ALG5: variants seen among roughly 807,000 people sequenced by gnomAD.
The protein encoded by ALG5 is dolichyl-phosphate beta-glucosyltransferase.
ALG5 carries 26 observed loss-of-function variants against 51.8 expected under a neutral mutation model. The observed-to-expected ratio is 0.50, with a 90% CI of 0.37 to 0.70. ALG5 has a LOEUF of 0.70. ALG5 is among the 30% of genes least tolerant of loss of function. ALG5 has a pLI of 0.00. For missense variants in ALG5, 311 were observed against 399.3 expected (o/e 0.78, Z 1.88); for synonymous variants, 141 against 136.1 (o/e 1.04, Z -0.25).
chr13:36,993,642 T>C lies in ALG5; in HGVS notation c.316A>G (p.Ile106Val), dbSNP rs370250754. Residue 106 changes from isoleucine (I) to valine (V), a missense_variant, in exon 4 of 10, where the codon ATA (isoleucine) becomes GTA (valine). Coordinates refer to ENST00000239891, the MANE Select transcript of ALG5 (RefSeq NM_013338.5). ...KRDPAFTYEV[I>V]VVDDGSKDQT... ...TCTTTACTGCCATCATCAACTACTA[T>C]CACTTCATAAGTGAACGCAGGATCT... 1.2e-6 allele frequency: 2 copies of C among 1,613,800 alleles called. No homozygotes were observed. Among genetic ancestry groups the C allele is most frequent in the Non-Finnish European group, 1.7e-6 (2 of 1,179,970 alleles).
intron 8 of ALG5, among the ~76,000 whole-genome samples, chr13:36,954,029 A>AAG (rs2058829303): frequency 1.3e-5 from 2 of 151,382 alleles, no homozygotes; most frequent in African/African-American, 2.4e-5. Flanking sequence ...TTGAGTAAAA[A>AAG]AGAGTGGGGT....
intron 6 of ALG5, among the ~76,000 whole-genome samples, chr13:36,975,986 AC>A (rs1277688790): frequency 4.6e-5 from 7 of 151,386 alleles, no homozygotes; most frequent in African/African-American, 1.5e-4. Flanking sequence ...AAAAAAAAAA[AC>A]AAAACAAAAC....
chr13:36,977,711 G>C (rs1437221563), intron 6 of ALG5, among the ~76,000 whole-genome samples: 1 of 129,574 alleles, frequency 7.7e-6, no homozygotes, highest in African/African-American at 2.9e-5. Context: ...AGAATTGCTT[G>C]AACTCGGGAA....
chr13:36,995,032 G>T lies in ALG5; in HGVS notation c.242C>A (p.Pro81His). 6.2e-7 allele frequency: 1 copy of T among 1,612,776 alleles called. No individual in the cohort carries two copies. Among genetic ancestry groups the T allele is most frequent in the Non-Finnish European group, 8.5e-7 (1 of 1,179,134 alleles). ...VPSYNEEKRL[P>H]VMMDEALSYL... is the part of the protein sequence containing the mutation. ...GCTCAGAGCTTCATCCATCATCACA[G>T]GCACTTGAAGAAAAAAATATATTAA... The change falls in exon 3 of 10, where the codon CCT becomes CAT. Residue 81 changes from proline (P) to histidine (H), a missense_variant. By Grantham distance (77) the Pro-to-His change is moderately conservative (BLOSUM62 -2). Coordinates refer to ENST00000239891, the MANE Select transcript of ALG5 (RefSeq NM_013338.5).
chr13:36,994,089 C>T (rs960825208), intron 3 of ALG5, among the ~76,000 whole-genome samples: 2 of 152,036 alleles, frequency 1.3e-5, no homozygotes, highest in African/African-American at 2.4e-5. Context: ...ACTTTTTGGG[C>T]CTATTTTCTG....
intron 7 of ALG5, among the ~76,000 whole-genome samples, chr13:36,969,056 AATGG>A (rs2058908682): frequency 6.6e-6 from 1 of 152,208 alleles, no homozygotes; most frequent in Non-Finnish European, 1.5e-5. Flanking sequence ...GAGCTGAAAG[AATGG>A]ATGGATGGAG....
At chr13:36,987,541 C>T (rs141439286) in intron 5 of ALG5, among the ~76,000 whole-genome samples, 37 of 152,250 alleles carry the variant, frequency 2.4e-4, no homozygotes, top group African/African-American at 7.0e-4. Flanking sequence ...TCTCGTCATA[C>T]GATGCTCCTG....
intron 8 of ALG5, among the ~76,000 whole-genome samples, chr13:36,956,848 C>CA (rs1354589158): frequency 1.3e-5 from 2 of 151,692 alleles, no homozygotes; most frequent in Admixed American, 6.6e-5. Context: ...ATATTGAAGC[C>CA]AAAAAAGCCA....
intron 7 of ALG5, among the ~76,000 whole-genome samples, chr13:36,968,939 C>T (rs565277258): frequency 6.6e-5 from 10 of 152,294 alleles, no homozygotes; most frequent in South Asian, 2.1e-4. Flanking sequence ...GCATCTGCAG[C>T]GGACAACCAA....
chr13:36,959,551 T>C (rs185030221), intron 8 of ALG5, among the ~76,000 whole-genome samples: 2 of 152,100 alleles, frequency 1.3e-5, no homozygotes, highest in Non-Finnish European at 2.9e-5. Context: ...CCTAGAATTA[T>C]AATATTTCAA....
chr13:36,997,298 C>G (rs766080336), intron 1 of ALG5, among the ~76,000 whole-genome samples: 6 of 151,812 alleles, frequency 4.0e-5, no homozygotes, highest in Non-Finnish European at 8.8e-5. Flanking sequence ...CATGGCGAAA[C>G]CCCATCTCTA....
Position 36,999,258 on chromosome 13 carries a change from G to C in ALG5, c.43C>G (p.Leu15Val). Residue 15 changes from leucine (L) to valine (V), a missense_variant, in exon 1 of 10, where the codon CTG becomes GTG. Physicochemically the swap from Leu to Val is conservative, Grantham distance 32. Transcript: ENST00000239891. ...ACCAGTACGAGGGCTGCGGCCGCCA[G>C]CGCCGCGCCGAGCACCGCCAGCTGC... ...LLQLAVLGAA[L>V]AAAALVLISI... The C allele has an allele frequency of 6.3e-7, 1 of 1,581,112 alleles. No homozygotes were observed. The highest frequency in any genetic ancestry group is 8.6e-7 in the Non-Finnish European group (1 of 1,166,550).
intron 9 of ALG5, among the ~76,000 whole-genome samples, 173 bp downstream of exon 9, chr13:36,952,341 A>C (rs2058822102): frequency 1.3e-5 from 2 of 152,192 alleles, no homozygotes; most frequent in Admixed American, 1.3e-4. Flanking sequence ...AAAAGGCAGC[A>C]AGCCAGATGG....
chr13:36,974,349 A>G (rs1200167986), intron 6 of ALG5, among the ~76,000 whole-genome samples: 1 of 152,234 alleles, frequency 6.6e-6, no homozygotes, highest in African/African-American at 2.4e-5. Flanking sequence ...ACAAAAATAA[A>G]TTTAAAAGTG....
At chr13:36,987,631 A>G (rs988576089) in intron 5 of ALG5, among the ~76,000 whole-genome samples, 3 of 152,210 alleles carry the variant, frequency 2.0e-5, no homozygotes, top group Non-Finnish European at 4.4e-5. Context: ...TGCTCCGTGT[A>G]CAGCATGCAG....
intron 7 of ALG5, chr13:36,967,764 A>G (rs928581574): frequency 8.4e-7 from 1 of 1,186,636 alleles, no homozygotes; most frequent in Admixed American, 2.3e-5. Context: ...AATACTTCCA[A>G]TAAATACTGG....
intron 7 of ALG5, among the ~76,000 whole-genome samples, chr13:36,971,649 C>CGAAA (rs2058923952): frequency 2.0e-5 from 1 of 50,688 alleles, no homozygotes; most frequent in Non-Finnish European, 3.3e-5. Flanking sequence ...ACTCCGTCTC[C>CGAAA]AAAAAAAAAA....
At chr13:36,974,107 A>C (rs549356560) in intron 6 of ALG5, among the ~76,000 whole-genome samples, 1 of 152,360 alleles carries the variant, frequency 6.6e-6, no homozygotes, top group South Asian at 2.1e-4. Context: ...AGAATGAGGA[A>C]GGTCTTTATG....
rs1254522165 is a variant in ALG5 at position 36,972,022 on chromosome 13, T to C, written c.576A>G (p.Ile192Met). The change falls in exon 7 of 10, where the codon ATA becomes ATG. Residue 192 changes from isoleucine (I) to methionine (M), a missense_variant. Transcript: ENST00000239891. ...CTAAATGAGCTCGAGATCCACATGC[T>C]ATAGCCATTTGATTCTGAGGGAAAA... ...DLQPWPNQMAIACGSRAHLEK... is the reference protein window; with the variant it reads ...DLQPWPNQMAMACGSRAHLEK... 7 of 1,597,622 alleles carry C rather than the reference T, an allele frequency of 4.4e-6. No homozygotes were observed. The highest frequency in any genetic ancestry group is 1.2e-5 in the South Asian group (1 of 86,824).
Sources: gnomAD v4.1 joint callset for allele counts (sites outside exome capture counted in the v4.1 genomes callset) on GRCh38, gnomAD v4.1.1 for gene constraint, MANE v1.5 for transcripts, NCBI Gene and HGNC (gene_info 2026-07-23, HGNC 2026-07-21) for gene names.